The following RHOJ variants were observed in gnomAD, a reference collection of about 807,000 sequenced individuals.
RHOJ encodes ras homolog family member J, also known as rho-related GTP-binding protein RhoJ.
In RHOJ, 11 loss-of-function variants were observed where a neutral mutation model predicts 23.4. The ratio of observed to expected loss-of-function variants is 0.47; its 90% CI spans 0.30 to 0.78. The LOEUF (loss-of-function observed/expected upper bound fraction) is 0.78, where lower values mean the gene tolerates loss of function less well. RHOJ is among the 30% of genes least tolerant of loss of function. The pLI is 0.08. For synonymous variants in RHOJ, 102 were observed against 102.7 expected (o/e 0.99, Z 0.04); for missense variants, 254 against 273.4 (o/e 0.93, Z 0.50).
chr14:63,221,759 A>G (rs1221756380), intron 1 of RHOJ, among the ~76,000 whole-genome samples: 3 of 152,228 alleles, frequency 2.0e-5, no homozygotes. Flanking sequence ...TGGATTCACT[A>G]CATAATGGGC....
chr14:63,238,912 C>A (rs549775242), intron 1 of RHOJ, among the ~76,000 whole-genome samples: 1 of 152,192 alleles, frequency 6.6e-6, no homozygotes, highest in Admixed American at 6.5e-5. Context: ...AGAAACATGC[C>A]CATGGTGGCA....
intron 1 of RHOJ, among the ~76,000 whole-genome samples, chr14:63,227,967 G>A (rs888459089): frequency 1.1e-4 from 16 of 152,268 alleles, no homozygotes; most frequent in African/African-American, 3.9e-4. Context: ...ATAGGGTTTT[G>A]CTGCTTTTAT....
chr14:63,239,234 C>G (rs1292084122), intron 1 of RHOJ, among the ~76,000 whole-genome samples: 1 of 152,164 alleles, frequency 6.6e-6, no homozygotes, highest in Non-Finnish European at 1.5e-5. Context: ...GCTTCAGCCT[C>G]CTGAGTAGCT....
intron 1 of RHOJ, among the ~76,000 whole-genome samples, chr14:63,231,320 G>A (rs1894691562): frequency 6.6e-6 from 1 of 152,184 alleles, no homozygotes; most frequent in South Asian, 2.1e-4. Context: ...TTATGAATAA[G>A]CACAGAAACA....
chr14:63,235,500 A>G (rs946398213), intron 1 of RHOJ, among the ~76,000 whole-genome samples: 14 of 152,202 alleles, frequency 9.2e-5, no homozygotes, highest in African/African-American at 3.4e-4. Flanking sequence ...CCATGTCTAC[A>G]ATTTACTTTC....
At chr14:63,234,403 C>T (rs1169165941) in intron 1 of RHOJ, among the ~76,000 whole-genome samples, 1 of 152,182 alleles carries the variant, frequency 6.6e-6, no homozygotes, top group Non-Finnish European at 1.5e-5. Flanking sequence ...TCCTAATATA[C>T]TGCCTGATAT....
chr14:63,218,278 C>G (rs1176533112), intron 1 of RHOJ, among the ~76,000 whole-genome samples: 1 of 152,184 alleles, frequency 6.6e-6, no homozygotes, highest in African/African-American at 2.4e-5. Flanking sequence ...AGCTCTGTCT[C>G]TAAATGGGTC....
chr14:63,234,816 A>T (rs1894759865), intron 1 of RHOJ, among the ~76,000 whole-genome samples: 1 of 152,234 alleles, frequency 6.6e-6, no homozygotes, highest in African/African-American at 2.4e-5. Flanking sequence ...CCGCACTATT[A>T]TGCAAATAAC....
At chr14:63,262,908 A>C (rs553286534) in intron 1 of RHOJ, among the ~76,000 whole-genome samples, 1 of 152,364 alleles carries the variant, frequency 6.6e-6, no homozygotes, top group African/African-American at 2.4e-5. Flanking sequence ...TAATTCACAA[A>C]TATTAAGATC....
intron 1 of RHOJ, among the ~76,000 whole-genome samples, chr14:63,266,816 G>C (rs1169596424): frequency 2.0e-5 from 3 of 152,106 alleles, no homozygotes; most frequent in African/African-American, 7.2e-5. Flanking sequence ...GAGTCTTTAT[G>C]GTTTTCTAGG....
chr14:63,286,235 T>C (rs1423623233), intron 4 of RHOJ, among the ~76,000 whole-genome samples: 3 of 152,184 alleles, frequency 2.0e-5, no homozygotes, highest in African/African-American at 7.2e-5. Flanking sequence ...CACTGGTGTC[T>C]GGGTTACAAA....
At chr14:63,288,902 T>C (rs565308824) in intron 4 of RHOJ, among the ~76,000 whole-genome samples, 13 of 152,346 alleles carry the variant, frequency 8.5e-5, no homozygotes, top group African/African-American at 3.1e-4. Flanking sequence ...GACAATCTCA[T>C]TTCATTAACT....
chr14:63,284,227 T>TA (rs1374419446), intron 4 of RHOJ: 2 of 985,166 alleles, frequency 2.0e-6, no homozygotes, highest in East Asian at 2.3e-4. Flanking sequence ...CTAAGCATGA[T>TA]ACACTCAACT....
intron 1 of RHOJ, among the ~76,000 whole-genome samples, chr14:63,226,377 A>G (rs1397178627): frequency 6.6e-6 from 1 of 152,088 alleles, no homozygotes; most frequent in Non-Finnish European, 1.5e-5. Flanking sequence ...AAAGAATTAG[A>G]AGGAAATATA....
chr14:63,277,850 A>C (rs997043680), intron 2 of RHOJ, among the ~76,000 whole-genome samples: 5 of 152,146 alleles, frequency 3.3e-5, no homozygotes, highest in African/African-American at 1.2e-4. Context: ...GAGAAAAGAG[A>C]GAAGTGGGGA....
intron 1 of RHOJ, among the ~76,000 whole-genome samples, chr14:63,234,251 G>A (rs1041083468): frequency 6.6e-6 from 1 of 152,184 alleles, no homozygotes; most frequent in African/African-American, 2.4e-5. Flanking sequence ...CATACAGTGG[G>A]TCAAGCATAT....
At chr14:63,229,359 A>T (rs1439499645) in intron 1 of RHOJ, among the ~76,000 whole-genome samples, 1 of 152,256 alleles carries the variant, frequency 6.6e-6, no homozygotes, top group South Asian at 2.1e-4. Flanking sequence ...ATTAGCTCAC[A>T]GTTCTGTAGG....
chr14:63,220,329 C>A (rs1314098389), intron 1 of RHOJ, among the ~76,000 whole-genome samples: 1 of 151,578 alleles, frequency 6.6e-6, no homozygotes, highest in Non-Finnish European at 1.5e-5. Context: ...CTGCTCTTTT[C>A]TCATTATAAT....
intron 1 of RHOJ, among the ~76,000 whole-genome samples, chr14:63,244,791 C>G (rs1340223463): frequency 6.6e-6 from 1 of 152,100 alleles, no homozygotes; most frequent in Non-Finnish European, 1.5e-5. Flanking sequence ...ATAATTTGCC[C>G]AAGGTCATAG....
Sources: allele counts gnomAD v4.1 joint callset (sites outside exome capture counted in the v4.1 genomes callset), GRCh38; gene constraint gnomAD v4.1.1; transcripts MANE v1.5; gene names NCBI Gene and HGNC (gene_info 2026-07-23, HGNC 2026-07-21).